The following TRAPPC11 variants were observed in gnomAD, a reference collection of about 807,000 sequenced individuals.
TRAPPC11 encodes trafficking protein particle complex subunit 11.
Under a neutral mutation model 151.2 loss-of-function variants are expected in TRAPPC11, and 104 were observed. That is an observed-to-expected ratio of 0.69 (90% confidence interval 0.59 to 0.81). The LOEUF (loss-of-function observed/expected upper bound fraction) is 0.81, where lower values mean the gene tolerates loss of function less well. Among genes scored for constraint, TRAPPC11 ranks in the 30% least tolerant of loss-of-function variants. TRAPPC11 has a pLI of 0.00. For missense variants in TRAPPC11, 1,230 were observed against 1,349.6 expected (o/e 0.91, Z 1.39); for synonymous variants, 456 against 472.3 (o/e 0.97, Z 0.45).
At chr4:183,692,930 C>T in intron 19 of TRAPPC11, 30 bp from the exon 20 acceptor site, 2 of 1,577,582 alleles carry the variant, frequency 1.3e-6, no homozygotes, top group Non-Finnish European at 1.7e-6. Flanking sequence ...TATGAGATGA[C>T]ATTTCCAACA....
At chr4:183,685,773 A>C (rs1735933483) in intron 17 of TRAPPC11, among the ~76,000 whole-genome samples, 1 of 152,056 alleles carries the variant, frequency 6.6e-6, no homozygotes, top group Non-Finnish European at 1.5e-5. Context: ...TTTAAAATTA[A>C]AGATGGTTTT....
At chr4:183,688,451 G>T (rs1165517281) in intron 18 of TRAPPC11, among the ~76,000 whole-genome samples, 1 of 152,192 alleles carries the variant, frequency 6.6e-6, no homozygotes, top group African/African-American at 2.4e-5. Flanking sequence ...AATAAGGCCA[G>T]GTGGCTTAAA....
At chr4:183,706,522 C>CAA (rs758266336) in intron 27 of TRAPPC11, among the ~76,000 whole-genome samples, 15 of 109,718 alleles carry the variant, frequency 1.4e-4, no homozygotes, top group Admixed American at 3.0e-4. Context: ...GACTCCGCCT[C>CAA]AAAAAAAAAA....
chr4:183,678,413 C>T (rs1016507866), intron 8 of TRAPPC11, among the ~76,000 whole-genome samples: 45 of 151,876 alleles, frequency 3.0e-4, no homozygotes, highest in South Asian at 2.1e-4. Context: ...TACTTTAATT[C>T]GCTGTTTTTT....
At chr4:183,683,732 T>C in intron 11 of TRAPPC11, 1 of 510,418 alleles carries the variant, frequency 2.0e-6, no homozygotes, top group Non-Finnish European at 3.5e-6. Flanking sequence ...TGACATTGCT[T>C]TTCAGATCGT....
rs1414459418 is a variant in TRAPPC11 at position 183,677,460 on chromosome 4, A to G, written c.737A>G (p.Asn246Ser). ...LKQDTQNALK[N>S]YRTAYNLVHE... ...CATTAACCACCCTCCTCATTTAGGAATTATAGGACCGCCTATAATCTTGTA... is the reference window on the plus strand; with the variant it reads ...CATTAACCACCCTCCTCATTTAGGAGTTATAGGACCGCCTATAATCTTGTA... Residue 246 changes from asparagine (N) to serine (S), a missense_variant and splice_region_variant, in exon 8 of 30, where the codon AAT (asparagine) becomes AGT (serine). Asn to Ser is a conservative substitution (Grantham distance 46). Coordinates refer to ENST00000334690, the MANE Select transcript of TRAPPC11 (RefSeq NM_021942.6). The G allele has an allele frequency of 6.3e-7, 1 of 1,587,024 alleles. No individual in the cohort carries two copies. The highest frequency in any genetic ancestry group is 1.1e-5 in the South Asian group (1 of 89,066).
intron 8 of TRAPPC11, among the ~76,000 whole-genome samples, chr4:183,678,979 C>A (rs1735544702): frequency 6.6e-6 from 1 of 152,140 alleles, no homozygotes; most frequent in Non-Finnish European, 1.5e-5. Context: ...AAATCTTTAG[C>A]TTTATGACAA....
chr4:183,701,691 C>G lies in TRAPPC11; in HGVS notation c.2852-6C>G. The G allele has an allele frequency of 6.3e-7, 1 of 1,596,894 alleles. No homozygotes were observed. Among genetic ancestry groups the G allele is most frequent in the Middle Eastern group, 1.7e-4 (1 of 6,024 alleles). ...GCATAAGGAATATAAAGACTTTTCC[C>G]TGTAGTTATCTTACAGACTGGAGAG... On this transcript the variant is annotated splice_region_variant and splice_polypyrimidine_tract_variant and intron_variant, in intron 25 of 29. Coordinates refer to ENST00000334690, the MANE Select transcript of TRAPPC11 (RefSeq NM_021942.6).
chr4:183,663,253 A>G (rs1734650555), intron 1 of TRAPPC11, among the ~76,000 whole-genome samples: 1 of 151,784 alleles, frequency 6.6e-6, no homozygotes, highest in Admixed American at 6.6e-5. Context: ...TTTGTTTTTG[A>G]GACAGAGTCT....
intron 11 of TRAPPC11, among the ~76,000 whole-genome samples, chr4:183,683,682 G>T (rs1031523732): frequency 2.0e-5 from 3 of 152,048 alleles, no homozygotes; most frequent in Non-Finnish European, 4.4e-5. Context: ...AAAAGGAAAT[G>T]ATTATCTCCA....
chr4:183,690,301 T>G (rs1736199761), intron 18 of TRAPPC11, among the ~76,000 whole-genome samples: 1 of 152,094 alleles, frequency 6.6e-6, no homozygotes, highest in Non-Finnish European at 1.5e-5. Context: ...ATACTTGAAC[T>G]GTGTAAGAAT....
At chr4:183,670,903 A>G (rs1735122422) in intron 5 of TRAPPC11, among the ~76,000 whole-genome samples, 1 of 152,202 alleles carries the variant, frequency 6.6e-6, no homozygotes, top group African/African-American at 2.4e-5. Context: ...CTTCTGCCTC[A>G]GCCTCCCAAG....
chr4:183,712,784 A>G lies in TRAPPC11; in HGVS notation c.*140A>G. On this transcript the variant is annotated 3_prime_UTR_variant, in exon 30 of 30. Transcript: ENST00000334690. The stretch of plus-strand genomic sequence containing the variant: ...AATGGATGTTATACCAACTATTCAG[A>G]GGAACTCATACTTCAAAAATATTAG... 2 of 684,482 alleles carry G rather than the reference A, an allele frequency of 2.9e-6. No homozygotes were observed. 42.4% of individuals were successfully genotyped at this position (684,482 alleles called of 1,614,324 possible). A position where few individuals can be genotyped will look rare whatever the true frequency, so the allele number is the denominator to read the frequency against.
At chr4:183,693,461 C>G (rs757253599) in intron 20 of TRAPPC11, 128 bp from the exon 21 acceptor site, 1 of 1,019,780 alleles carries the variant, frequency 9.8e-7, no homozygotes, top group Non-Finnish European at 1.4e-6. Context: ...CTGCCTCAGT[C>G]TCCCAAAATG....
intron 18 of TRAPPC11, among the ~76,000 whole-genome samples, chr4:183,690,107 G>T (rs1452141645): frequency 1.3e-5 from 2 of 152,112 alleles, no homozygotes; most frequent in Non-Finnish European, 1.5e-5. Context: ...GGAGGCTGAG[G>T]CATGAGAATT....
chr4:183,660,050 C>T (rs1339053689), intron 1 of TRAPPC11, among the ~76,000 whole-genome samples: 2 of 152,184 alleles, frequency 1.3e-5, no homozygotes, highest in Admixed American at 1.3e-4. Flanking sequence ...CGCCTCCTTT[C>T]GTGTATAGTT....
At position 183,675,187 on chromosome 4, in the gene TRAPPC11, CA is replaced by C; in HGVS notation, c.688del (p.Ile230Ter). ...AGCTTTTATTTGTTAGGCATCAGTT[CA>C]AAATAGCTTTCTTCAGTGAGTTGAA... The part of the protein sequence containing the change: ...HQLLFVRHQF[K>X]IAFFSELKQD... On this transcript the variant is annotated frameshift_variant, in exon 7 of 30. Transcript: ENST00000334690. LOFTEE classifies it high-confidence loss of function. The C allele has an allele frequency of 2.0e-6, 3 of 1,534,836 alleles. No individual in the cohort carries two copies. The highest frequency in any genetic ancestry group is 2.6e-6 in the Non-Finnish European group (3 of 1,138,990).
intron 10 of TRAPPC11, among the ~76,000 whole-genome samples, chr4:183,681,599 T>C (rs1199176698): frequency 6.6e-6 from 1 of 151,950 alleles, no homozygotes; most frequent in East Asian, 1.9e-4. Flanking sequence ...GCTAACACGA[T>C]GAAACCCCGT....
In TRAPPC11 at chr4:183,694,688, G is replaced by A. The variant is rs776631490; in HGVS notation, c.2593G>A (p.Val865Ile). The A allele has an allele frequency of 1.2e-5, 20 of 1,607,370 alleles. 1 individual carries two copies. The highest frequency in any genetic ancestry group is 5.4e-5 in the African/African-American group (4 of 74,416). The change falls in exon 23 of 30, where the codon GTT (valine) becomes ATT (isoleucine). Residue 865 changes from valine (V) to isoleucine (I), a missense_variant. Val to Ile is a conservative substitution (Grantham distance 29, BLOSUM62 3). Transcript: ENST00000334690. ...TGTTTCTTACCTGATAAATACAACCGTTGAAGAAAAAGAAATTGTTTGCAA... is the reference window on the plus strand; with the variant it reads ...TGTTTCTTACCTGATAAATACAACCATTGAAGAAAAAGAAATTGTTTGCAA... Reference protein sequence around the residue: ...VYVSYLINTTVEEKEIVCKCH... With the variant: ...VYVSYLINTTIEEKEIVCKCH...
Sources: allele counts gnomAD v4.1 joint callset (sites outside exome capture counted in the v4.1 genomes callset), GRCh38; gene constraint gnomAD v4.1.1; transcripts MANE v1.5; gene names NCBI Gene and HGNC (gene_info 2026-07-23, HGNC 2026-07-21).